Variants in UST observed in about 807,000 individuals in gnomAD.
UST encodes the protein uronyl 2-sulfotransferase.
Under a neutral mutation model 45.6 loss-of-function variants are expected in UST, and 21 were observed. The ratio of observed to expected loss-of-function variants is 0.46; its 90% CI spans 0.33 to 0.66. The LOEUF (loss-of-function observed/expected upper bound fraction) is 0.66. Among genes scored for constraint, UST ranks in the 30% least tolerant of loss-of-function variants. UST has a pLI of 0.02. For missense variants in UST, 463 were observed against 512.4 expected (o/e 0.90, Z 0.93); for synonymous variants, 215 against 200.6 (o/e 1.07, Z -0.61).
At chr6:148,909,841 G>C (rs1779440515) in intron 2 of UST, among the ~76,000 whole-genome samples, 1 of 152,184 alleles carries the variant, frequency 6.6e-6, no homozygotes, top group African/African-American at 2.4e-5. Context: ...GGCAGATATG[G>C]TGTGTTCAAA....
intron 1 of UST, 104 bp downstream of exon 1, chr6:148,747,781 G>C (rs1333885185): frequency 1.4e-6 from 2 of 1,381,738 alleles, no homozygotes; most frequent in East Asian, 2.8e-5. Context: ...GCGCGCCGCC[G>C]CCGCCCCGGG....
intron 7 of UST, among the ~76,000 whole-genome samples, chr6:149,070,181 G>C (rs1484030844): frequency 6.6e-6 from 1 of 152,170 alleles, no homozygotes; most frequent in Non-Finnish European, 1.5e-5. Context: ...AGGGATTGAA[G>C]GAGGCTTTCA....
chr6:148,914,062 T>C (rs1194415501), intron 2 of UST, among the ~76,000 whole-genome samples: 1 of 152,182 alleles, frequency 6.6e-6, no homozygotes. Context: ...TAGGAAGAGA[T>C]ACAACTTGCT....
chr6:148,778,443 C>T (rs1360041693), intron 1 of UST, among the ~76,000 whole-genome samples: 5 of 152,186 alleles, frequency 3.3e-5, no homozygotes, highest in Non-Finnish European at 7.3e-5. Flanking sequence ...CCCAGGCAGA[C>T]ATACTAGGGC....
Position 148,747,338 on chromosome 6 carries a change from C to G in UST, c.-93C>G, listed in dbSNP as rs563983449. The G allele has an allele frequency of 1.5e-6, 2 of 1,343,446 alleles. No individual in the cohort carries two copies. The highest frequency in any genetic ancestry group is 6.2e-5 in the East Asian group (2 of 32,214). The allele number at this position is 1,343,446 out of a possible 1,614,324, so 83.2% of individuals were successfully genotyped here. A position where few individuals can be genotyped will look rare whatever the true frequency, so the allele number is the denominator to read the frequency against. The stretch of plus-strand genomic sequence containing the variant: ...CGGCTGCCCTCCGCGCGGCCCTCCC[C>G]ATGTGCAGCCGGCCAGCCGGGCTCT... On this transcript the variant is annotated 5_prime_UTR_variant, in exon 1 of 8. Coordinates refer to ENST00000367463, the MANE Select transcript of UST (RefSeq NM_005715.3).
intron 5 of UST, among the ~76,000 whole-genome samples, chr6:149,017,194 G>A (rs956062559): frequency 2.0e-5 from 3 of 152,104 alleles, no homozygotes; most frequent in Non-Finnish European, 1.5e-5. Flanking sequence ...TGGCTAACAC[G>A]GTGAAACCCC....
intron 5 of UST, among the ~76,000 whole-genome samples, chr6:148,991,855 C>T (rs1011833795): frequency 1.3e-5 from 2 of 152,136 alleles, no homozygotes; most frequent in African/African-American, 4.8e-5. Flanking sequence ...TAGACTACAT[C>T]AAACTGCTAG....
rs368257156 is a variant in UST, at chr6:148,989,216, CCCA to C, written c.681+24656_681+24658del. On this transcript the variant is annotated intron_variant, in intron 5 of 7. Transcript: ENST00000367463. The stretch of plus-strand genomic sequence containing the variant: ...TACTTGACTTCAGTAAAGGCCCCCC[CCCA>C]CCCCCCGCAAATGAAAACCTTGATT... Among the ~76,000 whole-genome samples the C allele has an allele frequency of 1.5e-4, 13 of 85,102 alleles. 2 individuals are homozygous for C. The highest frequency in any genetic ancestry group is 7.5e-4 in the South Asian group (1 of 1,340). The allele number at this position is 85,102 out of a possible 152,430, so 55.8% of individuals were successfully genotyped here. A position where few individuals can be genotyped will look rare whatever the true frequency, so the allele number is the denominator to read the frequency against.
At chr6:148,762,533 A>ACCTT (rs1406385569) in intron 1 of UST, among the ~76,000 whole-genome samples, 5 of 144,186 alleles carry the variant, frequency 3.5e-5, no homozygotes, top group Non-Finnish European at 4.6e-5. Context: ...GCAGGCTTCT[A>ACCTT]TCTTTTTTTT....
intron 4 of UST, among the ~76,000 whole-genome samples, chr6:148,962,178 C>G (rs146251740): frequency 2.8e-4 from 43 of 152,376 alleles, no homozygotes; most frequent in Middle Eastern, 6.8e-3. Context: ...TCTAAAACTT[C>G]CATTTTGGAA....
At chr6:148,767,454 G>A (rs1776343604) in intron 1 of UST, among the ~76,000 whole-genome samples, 1 of 152,194 alleles carries the variant, frequency 6.6e-6, no homozygotes, top group African/African-American at 2.4e-5. Context: ...AGCATTGAGA[G>A]CAAACCAACT....
intron 3 of UST, among the ~76,000 whole-genome samples, chr6:148,947,940 A>G (rs1438833398): frequency 6.6e-6 from 1 of 152,098 alleles, no homozygotes; most frequent in Non-Finnish European, 1.5e-5. Context: ...AAAAAGAAAA[A>G]CAAGGAAGAA....
chr6:149,051,990 T>C (rs1242202865), intron 7 of UST, among the ~76,000 whole-genome samples: 4 of 152,224 alleles, frequency 2.6e-5, no homozygotes, highest in Admixed American at 6.5e-5. Flanking sequence ...TTATAGATTA[T>C]ACGGTATTCA....
At chr6:148,922,327 A>G (rs1460454619) in intron 2 of UST, among the ~76,000 whole-genome samples, 1 of 150,054 alleles carries the variant, frequency 6.7e-6, no homozygotes, top group African/African-American at 2.5e-5. Context: ...GATTCTGAGC[A>G]TTTCATATAA....
intron 5 of UST, among the ~76,000 whole-genome samples, chr6:148,974,604 C>A (rs1157743299): frequency 1.3e-5 from 2 of 152,172 alleles, no homozygotes; most frequent in African/African-American, 4.8e-5. Flanking sequence ...AATCACACAG[C>A]CTCTAGAACA....
intron 4 of UST, among the ~76,000 whole-genome samples, chr6:148,963,025 G>C (rs775943094): frequency 3.3e-5 from 5 of 152,330 alleles, no homozygotes; most frequent in Admixed American, 2.0e-4. Context: ...CACTGAGCTA[G>C]AGCGTGTCGT....
chr6:148,877,720 G>T (rs1420799032), intron 1 of UST, among the ~76,000 whole-genome samples: 48 of 116,608 alleles, frequency 4.1e-4, no homozygotes, highest in African/African-American at 1.9e-3. Context: ...TGTATGAGTG[G>T]GGTGGTCGTG....
intron 1 of UST, among the ~76,000 whole-genome samples, chr6:148,771,821 G>A (rs2114674384): frequency 6.6e-6 from 1 of 152,266 alleles, no homozygotes; most frequent in African/African-American, 2.4e-5. Context: ...ATTTGTAGCT[G>A]AATTTTCTGG....
intron 2 of UST, among the ~76,000 whole-genome samples, chr6:148,893,376 A>G (rs1779056384): frequency 6.6e-6 from 1 of 152,152 alleles, no homozygotes; most frequent in African/African-American, 2.4e-5. Context: ...CTTCCTACCT[A>G]CACCCCCAGA....
Sources: gnomAD v4.1 joint callset for allele counts (sites outside exome capture counted in the v4.1 genomes callset) on GRCh38, gnomAD v4.1.1 for gene constraint, MANE v1.5 for transcripts, NCBI Gene and HGNC (gene_info 2026-07-23, HGNC 2026-07-21) for gene names.